Variants in NAV3 observed in about 807,000 individuals in gnomAD.
NAV3 encodes the protein neuron navigator 3, also known as pore membrane and/or filament interacting like protein 1.
Under a neutral mutation model 244.7 loss-of-function variants are expected in NAV3, and 87 were observed. The ratio of observed to expected loss-of-function variants is 0.36; its 90% confidence interval spans 0.30 to 0.42. NAV3 has a LOEUF of 0.42. NAV3 is among the 20% of genes least tolerant of loss of function. The pLI, the probability that NAV3 is intolerant of heterozygous loss-of-function variation, is 1.00. For missense variants in NAV3, 2,663 were observed against 2,893.3 expected, an observed-to-expected ratio of 0.92 and a Z score of 1.83; for synonymous variants, 1,126 against 1,042.2, an observed-to-expected ratio of 1.08 and a Z score of -1.55.
At chr12:77,615,586 T>C (rs1871116454) in intron 2 of NAV3, among the ~76,000 whole-genome samples, 1 of 152,202 alleles carries the variant, frequency 6.6e-6, no homozygotes. Flanking sequence ...CCATTGTGTA[T>C]ATATGTACCA....
chr12:77,929,725 C>G (rs986906607), intron 1 of NAV3, among the ~76,000 whole-genome samples: 2 of 151,472 alleles, frequency 1.3e-5, no homozygotes, highest in Admixed American at 1.3e-4. Context: ...CTCTGCCTCC[C>G]TGGTTCAAGC....
chr12:78,032,420 A>G lies in NAV3; in HGVS notation c.2023+10558A>G, dbSNP rs11107933. On this transcript the variant is annotated intron_variant, in intron 9 of 39. Transcript: ENST00000397909. ...GTTTGAAGATAAATATCAGAAATGC[A>G]TGACACTCAATAAAGTAGAATACTG... 4.3e-3 allele frequency among the ~76,000 whole-genome samples: 656 copies of G among 152,358 alleles called. 3 individuals are homozygous for G. Among genetic ancestry groups the G allele is most frequent in the African/African-American group, 0.015 (611 of 41,588 alleles).
chr12:77,630,105 A>G (rs948634231), intron 2 of NAV3, among the ~76,000 whole-genome samples: 32 of 152,172 alleles, frequency 2.1e-4, no homozygotes, highest in Admixed American at 2.0e-3. Context: ...GATCTGGACA[A>G]TGGACTCCAG....
At chr12:78,119,982 G>C in intron 15 of NAV3, 37 bp downstream of exon 15, 3 of 1,538,180 alleles carry the variant, frequency 2.0e-6, no homozygotes, top group Non-Finnish European at 2.7e-6. Context: ...AAAATATAAA[G>C]GATAAATATG....
intron 2 of NAV3, among the ~76,000 whole-genome samples, chr12:77,652,238 G>C (rs1872857482): frequency 6.6e-6 from 1 of 152,132 alleles, no homozygotes; most frequent in Admixed American, 6.5e-5. Flanking sequence ...GGTTCTGAGA[G>C]GTTTAAATAC....
intron 9 of NAV3, among the ~76,000 whole-genome samples, chr12:78,024,929 A>G (rs546093026): frequency 5.7e-4 from 87 of 151,564 alleles, no homozygotes; most frequent in Admixed American, 7.9e-4. Flanking sequence ...GAGCCGAGAT[A>G]GCGCCACTGC....
At chr12:78,078,421 A>G (rs1953170388) in intron 12 of NAV3, among the ~76,000 whole-genome samples, 3 of 92,274 alleles carry the variant, frequency 3.3e-5, no homozygotes, top group South Asian at 4.1e-4. Flanking sequence ...TTTGAGACGG[A>G]GTCTCGCTCT....
At position 77,845,864 on chromosome 12, in the gene NAV3, G is replaced by C. The variant is rs757828447; in HGVS notation, c.243+14160G>C. On this transcript the variant is annotated intron_variant, in intron 1 of 39. Coordinates refer to ENST00000397909, the MANE Select transcript of NAV3 (RefSeq NM_001024383.2). ...GACGGGGTGTCTCCATGTTGCTCAG[G>C]CTGGTCTCGAACCCCTGACATCAGG... Among the ~76,000 whole-genome samples, 137 of 152,098 alleles carry C rather than the reference G, an allele frequency of 9.0e-4. 1 individual carries two copies. The highest frequency in any genetic ancestry group is 3.4e-3 in the Middle Eastern group (1 of 294).
At chr12:77,655,562 T>A (rs1403594120) in intron 2 of NAV3, among the ~76,000 whole-genome samples, 2 of 151,968 alleles carry the variant, frequency 1.3e-5, no homozygotes, top group East Asian at 3.9e-4. Context: ...ACTTCCCCAA[T>A]CTAGCAAGGC....
At chr12:77,646,941 T>C (rs1464184035) in intron 2 of NAV3, among the ~76,000 whole-genome samples, 1 of 152,112 alleles carries the variant, frequency 6.6e-6, no homozygotes, top group Non-Finnish European at 1.5e-5. Flanking sequence ...CCGAGCTTGC[T>C]GATACTTGAC....
At chr12:78,196,047 TAGAC>T (rs1193358263) in intron 34 of NAV3, among the ~76,000 whole-genome samples, 2 of 152,074 alleles carry the variant, frequency 1.3e-5, no homozygotes, top group African/African-American at 4.8e-5. Context: ...ACGCAGTAGA[TAGAC>T]AGTGCATATT....
At chr12:77,835,810 T>C (rs1335929391) in intron 1 of NAV3, among the ~76,000 whole-genome samples, 1 of 152,220 alleles carries the variant, frequency 6.6e-6, no homozygotes, top group Admixed American at 6.5e-5. Flanking sequence ...TTATAATGTC[T>C]TCATTCAGGC....
chr12:78,137,103 C>T, intron 18 of NAV3, 74 bp from the exon 19 acceptor site: 1 of 1,371,168 alleles, frequency 7.3e-7, no homozygotes, highest in Admixed American at 2.2e-5. Flanking sequence ...GGATCATGTT[C>T]TTACTTTCTA....
chr12:78,000,536 C>A, intron 7 of NAV3, among the ~76,000 whole-genome samples: 1 of 127,618 alleles, frequency 7.8e-6, no homozygotes, highest in Non-Finnish European at 1.6e-5. Context: ...CGGAGTCTCA[C>A]TCTGTCGCCC....
At chr12:78,099,505 C>T (rs1168950082) in intron 12 of NAV3, among the ~76,000 whole-genome samples, 1 of 151,606 alleles carries the variant, frequency 6.6e-6, no homozygotes, top group Non-Finnish European at 1.5e-5. Context: ...GCCCAGTCTT[C>T]CACAGTGAGC....
At chr12:77,886,280 C>T (rs1883280288) in intron 1 of NAV3, among the ~76,000 whole-genome samples, 4 of 152,172 alleles carry the variant, frequency 2.6e-5, no homozygotes, top group Admixed American at 2.6e-4. Flanking sequence ...TCAAGGGCTT[C>T]TCTTTATACA....
chr12:77,873,773 T>TATATATATAAAA (rs762527287), intron 1 of NAV3, among the ~76,000 whole-genome samples: 8 of 128,626 alleles, frequency 6.2e-5, no homozygotes, highest in African/African-American at 2.3e-4. Flanking sequence ...TATATGTATA[T>TATATATATAAAA]AACAGCATAT....
rs553963339 is a variant in NAV3 at position 77,871,224 on chromosome 12, T to G, written c.243+39520T>G. Among the ~76,000 whole-genome samples the G allele has an allele frequency of 4.6e-5, 7 of 152,318 alleles. No individual in the cohort carries two copies. In the East Asian group the frequency reaches 1.3e-3, roughly 29 times the overall value. ...TAAATTTCATGTGAGAAATAACTTCTCTAAGTCAGCATATAAGAAGAAGAA... is the reference window on the plus strand; with the variant it reads ...TAAATTTCATGTGAGAAATAACTTCGCTAAGTCAGCATATAAGAAGAAGAA... On this transcript the variant is annotated intron_variant, in intron 1 of 39. Transcript: ENST00000397909.
intron 2 of NAV3, among the ~76,000 whole-genome samples, chr12:77,583,061 C>G (rs1412526718): frequency 6.6e-6 from 1 of 152,170 alleles, no homozygotes; most frequent in Non-Finnish European, 1.5e-5. Flanking sequence ...ACTTTCCTAA[C>G]ATTTGTGTTT....
Sources: allele counts gnomAD v4.1 joint callset (sites outside exome capture counted in the v4.1 genomes callset), GRCh38; gene constraint gnomAD v4.1.1; transcripts MANE v1.5; gene names NCBI Gene and HGNC (gene_info 2026-07-23, HGNC 2026-07-21).